The following ETV7 variants were observed in gnomAD, a reference collection of about 807,000 sequenced individuals.
ETV7 encodes transcription factor ETV7.
Under a neutral mutation model 39.1 loss-of-function variants are expected in ETV7, and 43 were observed. The observed-to-expected ratio is 1.10, with a 90% confidence interval of 0.86 to 1.42. The LOEUF is 1.42. ETV7 is among the 40% of genes most tolerant of loss of function. ETV7 has a pLI of 0.00. For synonymous variants in ETV7, 196 were observed against 176.6 expected (o/e 1.11, Z -0.87); for missense variants, 432 against 442.3 (o/e 0.98, Z 0.21).
chr6:36,360,793 C>A (rs1772468210), intron 7 of ETV7, among the ~76,000 whole-genome samples: 1 of 152,194 alleles, frequency 6.6e-6, no homozygotes, highest in African/African-American at 2.4e-5. Context: ...CCCACAGCCC[C>A]ACTGTGCTTC....
rs185698782 is a variant in ETV7 at position 36,375,929 on chromosome 6, G to A, written c.249C>T (p.Asn83=). 60 of 1,613,862 alleles carry A rather than the reference G, an allele frequency of 3.7e-5. No individual in the cohort carries two copies. Among genetic ancestry groups the A allele is most frequent in the Non-Finnish European group, 4.3e-5 (51 of 1,180,040 alleles). Residue 83 remains asparagine (N), a synonymous_variant, in exon 3 of 8, where the codon AAC becomes AAT. Transcript: ENST00000340181. ...TGGTGAGGATGCAGAGGGCGCGTCC[G>A]TTCATCTCGAACCCGTGCTCCGCGG... ...PCTAEHGFEM[N]GRALCILTKD...
chr6:36,372,387 G>A (rs77934893), intron 4 of ETV7, among the ~76,000 whole-genome samples: 8,125 of 152,170 alleles, frequency 0.053, 288 homozygotes, highest in African/African-American at 0.084. Context: ...CTTGGACTCC[G>A]AGTGAGAAGG....
At chr6:36,381,489 G>T (rs752119050) in intron 2 of ETV7, among the ~76,000 whole-genome samples, 4 of 152,108 alleles carry the variant, frequency 2.6e-5, no homozygotes, top group Non-Finnish European at 4.4e-5. Flanking sequence ...CGAATGAATG[G>T]CCTTTATTCT....
intron 2 of ETV7, among the ~76,000 whole-genome samples, chr6:36,384,661 G>A (rs1050665062): frequency 2.0e-5 from 3 of 152,082 alleles, no homozygotes; most frequent in Admixed American, 6.5e-5. Context: ...AGGCCGAGGC[G>A]GGTGGATCAC....
At chr6:36,360,748 G>A (rs147315589) in intron 7 of ETV7, among the ~76,000 whole-genome samples, 39 of 152,220 alleles carry the variant, frequency 2.6e-4, no homozygotes, top group African/African-American at 8.9e-4. Flanking sequence ...CCCATTTCCC[G>A]TGCAGTCTCC....
intron 7 of ETV7, among the ~76,000 whole-genome samples, chr6:36,357,655 T>C (rs1390896164): frequency 1.3e-5 from 2 of 152,116 alleles, no homozygotes; most frequent in African/African-American, 4.8e-5. Flanking sequence ...GGCAGGCAGA[T>C]CACCTGAGGT....
At chr6:36,373,601 G>GGGGGGGGC in intron 3 of ETV7, 23 bp from the exon 4 acceptor site, 21 of 475,576 alleles carry the variant, frequency 4.4e-5, no homozygotes, top group East Asian at 8.3e-5. Context: ...GGGAGGGAGG[G>GGGGGGGGC]CAGGCTGCTG....
Position 36,369,003 on chromosome 6 carries a change from A to G in ETV7, c.733T>C (p.Trp245Arg). ...LDTRYEPYIK[W>R]EDKDAKIFRV... is the part of the protein sequence containing the mutation. ...AAGATCTTGGCGTCCTTGTCTTCCC[A>G]CTTGATGTAGGGCTCATATCGGGTA... Residue 245 changes from tryptophan (W) to arginine (R), a missense_variant, in exon 6 of 8, where the codon TGG becomes CGG. Physicochemically the swap from Trp to Arg is moderately radical, Grantham distance 101. Coordinates refer to ENST00000340181, the MANE Select transcript of ETV7 (RefSeq NM_016135.4). The G allele has an allele frequency of 6.2e-7, 1 of 1,614,160 alleles. No individual in the cohort carries two copies. The highest frequency in any genetic ancestry group is 1.1e-5 in the South Asian group (1 of 91,088).
chr6:36,358,900 C>T (rs552295550), intron 7 of ETV7, among the ~76,000 whole-genome samples: 22 of 152,286 alleles, frequency 1.4e-4, no homozygotes, highest in Middle Eastern at 3.4e-3. Flanking sequence ...AACAATACAC[C>T]GTGCTTCCTT....
chr6:36,374,897 C>G (rs1290891918), intron 3 of ETV7, among the ~76,000 whole-genome samples: 1 of 152,070 alleles, frequency 6.6e-6, no homozygotes, highest in Non-Finnish European at 1.5e-5. Context: ...TGGTAAAACT[C>G]CATCTCTACC....
intron 7 of ETV7, among the ~76,000 whole-genome samples, chr6:36,358,252 T>A (rs1772390293): frequency 6.6e-6 from 1 of 152,188 alleles, no homozygotes; most frequent in South Asian, 2.1e-4. Context: ...TAATTTGCAT[T>A]GTCAGAAAGG....
chr6:36,361,862 C>A (rs1772499520), downstream of ETV7, among the ~76,000 whole-genome samples: 1 of 152,212 alleles, frequency 6.6e-6, no homozygotes, highest in South Asian at 2.1e-4. Flanking sequence ...GTATCTCCTG[C>A]TTTTTAAAAT....
At chr6:36,355,177 C>T (rs773451449) in intron 7 of ETV7, among the ~76,000 whole-genome samples, 1 of 152,160 alleles carries the variant, frequency 6.6e-6, no homozygotes, top group Non-Finnish European at 1.5e-5. Context: ...AGGAGAAAAG[C>T]ATCTAGTCGT....
At chr6:36,360,867 G>A (rs1772470353) in intron 7 of ETV7, among the ~76,000 whole-genome samples, 1 of 152,102 alleles carries the variant, frequency 6.6e-6, no homozygotes, top group African/African-American at 2.4e-5. Flanking sequence ...TTCTCCGGAG[G>A]GAAACTCTCC....
downstream of ETV7, among the ~76,000 whole-genome samples, chr6:36,363,090 TC>T (rs922637057): frequency 1.3e-5 from 2 of 150,364 alleles, no homozygotes; most frequent in African/African-American, 5.0e-5. Context: ...ATTTCGACAG[TC>T]CCTCCTAAGC....
intron 6 of ETV7, among the ~76,000 whole-genome samples, chr6:36,367,523 C>G (rs1422433477): frequency 2.6e-5 from 4 of 152,150 alleles, no homozygotes; most frequent in Admixed American, 2.0e-4. Context: ...CTCCTGCCTA[C>G]TTGGCTGAGA....
chr6:36,362,103 C>T (rs1237904564), downstream of ETV7, among the ~76,000 whole-genome samples: 3 of 151,970 alleles, frequency 2.0e-5, no homozygotes, highest in African/African-American at 4.8e-5. Context: ...TCGAGACCAT[C>T]CTGGCTAACA....
chr6:36,375,865 C>T lies in ETV7; in HGVS notation c.307+6G>A, dbSNP rs1022585775. 1.9e-6 allele frequency: 3 copies of T among 1,613,986 alleles called. No homozygotes were observed. Among genetic ancestry groups the T allele is most frequent in the Non-Finnish European group, 2.5e-6 (3 of 1,180,012 alleles). ...GCTTAGAGGAAAGCCTGTGCGTTTCCCTGACCTGAGCTGGGCGCACGGTGC... is the reference window on the plus strand; with the variant it reads ...GCTTAGAGGAAAGCCTGTGCGTTTCTCTGACCTGAGCTGGGCGCACGGTGC... On this transcript the variant is annotated splice_donor_region_variant and intron_variant, in intron 3 of 7. Transcript: ENST00000340181.
Position 36,375,968 on chromosome 6 carries a change from G to C in ETV7, c.210C>G (p.Tyr70Ter). 6.2e-7 allele frequency: 1 copy of C among 1,613,072 alleles called. No homozygotes were observed. Among genetic ancestry groups the C allele is most frequent in the East Asian group, 2.2e-5 (1 of 44,892 alleles). ...CGTGCTCCGCGGTGCATGGCAGAGA[G>C]TACTCCTGCTCTGCCCAGCGCAGCC... ...LHWLRWAEQE[Y>*]SLPCTAEHGF... is the part of the protein sequence containing the mutation. Residue 70 changes from tyrosine to a stop codon, truncating the protein, a stop_gained, in exon 3 of 8, where the codon TAC becomes TAG. Transcript: ENST00000340181. LOFTEE classifies it high-confidence loss of function.
Sources: allele counts gnomAD v4.1 joint callset (sites outside exome capture counted in the v4.1 genomes callset), GRCh38; gene constraint gnomAD v4.1.1; transcripts MANE v1.5; gene names NCBI Gene and HGNC (gene_info 2026-07-23, HGNC 2026-07-21).